The following NRXN1 variants were observed in gnomAD, a reference collection of about 807,000 sequenced individuals.
NRXN1 encodes neurexin-1.
A neutral mutation model predicts 150.9 loss-of-function variants in NRXN1; 39 were observed. The observed-to-expected ratio is 0.26, with a 90% CI of 0.20 to 0.34. NRXN1 has a LOEUF of 0.34. Among genes scored for constraint, NRXN1 ranks in the 10% least tolerant of loss-of-function variants. The pLI, the probability that NRXN1 is intolerant of heterozygous loss-of-function variation, is 1.00. For missense variants in NRXN1, 1,815 were observed against 1,949.9 expected (o/e 0.93, Z 1.30); for synonymous variants, 924 against 757.0 (o/e 1.22, Z -3.62).
chr2:50,742,148 G>C (rs1699503166), intron 5 of NRXN1, among the ~76,000 whole-genome samples: 1 of 151,952 alleles, frequency 6.6e-6, no homozygotes, highest in African/African-American at 2.4e-5. Context: ...AACAATTTAT[G>C]CTCAAGATAT....
At chr2:50,390,238 G>A (rs967281259) in intron 17 of NRXN1, among the ~76,000 whole-genome samples, 1 of 152,108 alleles carries the variant, frequency 6.6e-6, no homozygotes, top group Non-Finnish European at 1.5e-5. Context: ...ACAATGGGGT[G>A]TTACAGGAAA....
intron 5 of NRXN1, among the ~76,000 whole-genome samples, chr2:50,776,633 GATAT>G (rs146965004): frequency 2.8e-5 from 4 of 142,056 alleles, no homozygotes; most frequent in African/African-American, 1.0e-4. Context: ...CATATAGTGA[GATAT>G]ATATATATAT....
chr2:50,698,715 A>G (rs1559139523), intron 5 of NRXN1, among the ~76,000 whole-genome samples: 1 of 152,180 alleles, frequency 6.6e-6, no homozygotes, highest in Non-Finnish European at 1.5e-5. Flanking sequence ...AATCTCATCA[A>G]CTAGTCTCCA....
chr2:49,947,630 G>A (rs958724359), intron 21 of NRXN1, among the ~76,000 whole-genome samples: 1 of 149,804 alleles, frequency 6.7e-6, no homozygotes, highest in Non-Finnish European at 1.5e-5. Flanking sequence ...CCGAAGTGCT[G>A]GGATTACAGG....
At chr2:50,876,573 T>A (rs753613814) in intron 5 of NRXN1, among the ~76,000 whole-genome samples, 1 of 151,844 alleles carries the variant, frequency 6.6e-6, no homozygotes, top group Non-Finnish European at 1.5e-5. Context: ...TTATAATGCA[T>A]AATACAATAT....
chr2:50,144,345 G>A (rs1028674167), intron 18 of NRXN1, among the ~76,000 whole-genome samples: 1 of 151,550 alleles, frequency 6.6e-6, no homozygotes. Context: ...CTGAATTTTT[G>A]CACCTTTATT....
In NRXN1 at chr2:50,284,296, C is replaced by T. The variant is rs544194379; in HGVS notation, c.3365-47326G>A. ...TGTACCATCTACTTGGAATCTCTTA[C>T]TCATCCCTTCTCCTCCCTTTGCCTA... On this transcript the variant is annotated intron_variant, in intron 17 of 22. Transcript: ENST00000401669. Among the ~76,000 whole-genome samples, 4 of 152,328 alleles carry T rather than the reference C, an allele frequency of 2.6e-5. No individual in the cohort carries two copies. The East Asian group carries it at 5.8e-4, about 22-fold the overall frequency.
At chr2:50,944,357 G>A (rs1374077268) in intron 2 of NRXN1, among the ~76,000 whole-genome samples, 2 of 152,116 alleles carry the variant, frequency 1.3e-5, no homozygotes, top group African/African-American at 2.4e-5. Flanking sequence ...ATGTGACACT[G>A]GGAAGGTCTT....
At position 49,965,648 on chromosome 2, in the gene NRXN1, C is replaced by G. The variant is rs551519880; in HGVS notation, c.4129-21857G>C. 9.9e-5 allele frequency among the ~76,000 whole-genome samples: 15 copies of G among 152,166 alleles called. 1 individual carries two copies. Among genetic ancestry groups the G allele is most frequent in the African/African-American group, 3.6e-4 (15 of 41,514 alleles). On this transcript the variant is annotated intron_variant, in intron 21 of 22. Transcript: ENST00000401669. ...TTTTTGTGCCTACTATAGACTTTCACACTGATAGAAAAAAAAATGCTTACA... is the reference window on the plus strand; with the variant it reads ...TTTTTGTGCCTACTATAGACTTTCAGACTGATAGAAAAAAAAATGCTTACA...
At chr2:50,904,380 A>G (rs1315654132) in intron 5 of NRXN1, among the ~76,000 whole-genome samples, 2 of 152,176 alleles carry the variant, frequency 1.3e-5, no homozygotes, top group Admixed American at 1.3e-4. Flanking sequence ...GAAATCCCTA[A>G]GTATTAAATA....
intron 17 of NRXN1, among the ~76,000 whole-genome samples, chr2:50,249,293 T>C (rs1346496436): frequency 6.6e-6 from 1 of 152,122 alleles, no homozygotes; most frequent in African/African-American, 2.4e-5. Context: ...GAGAGATCAC[T>C]TTTAGATTTC....
At chr2:50,319,512 T>G (rs2075858701) in intron 17 of NRXN1, among the ~76,000 whole-genome samples, 1 of 152,128 alleles carries the variant, frequency 6.6e-6, no homozygotes, top group South Asian at 2.1e-4. Context: ...GAAGGTGCCC[T>G]CCTCTCTGTT....
At chr2:50,240,419 T>C (rs1158877528) in intron 17 of NRXN1, among the ~76,000 whole-genome samples, 2 of 151,714 alleles carry the variant, frequency 1.3e-5, no homozygotes, top group African/African-American at 4.8e-5. Flanking sequence ...CTATAAGCAC[T>C]CTGGATTTTT....
chr2:50,009,576 C>T (rs1323696436), intron 21 of NRXN1, among the ~76,000 whole-genome samples: 2 of 151,996 alleles, frequency 1.3e-5, no homozygotes, highest in Non-Finnish European at 2.9e-5. Flanking sequence ...GATTTTTATG[C>T]CTGCATGGAG....
chr2:50,580,991 C>T (rs1306747222), intron 8 of NRXN1, among the ~76,000 whole-genome samples: 1 of 152,036 alleles, frequency 6.6e-6, no homozygotes, highest in Non-Finnish European at 1.5e-5. Flanking sequence ...GTAACAATTC[C>T]TTTAAAAGTA....
At chr2:51,026,597 C>A in intron 2 of NRXN1, 1 of 661,216 alleles carries the variant, frequency 1.5e-6, no homozygotes. Flanking sequence ...AGCCGAATAT[C>A]CTTAGAAAAT....
intron 5 of NRXN1, among the ~76,000 whole-genome samples, chr2:50,781,890 T>C (rs183652567): frequency 5.3e-5 from 8 of 152,324 alleles, no homozygotes; most frequent in Non-Finnish European, 8.8e-5. Flanking sequence ...GGGATACTGA[T>C]GGCTATTAAC....
At chr2:50,502,800 T>C (rs1395051950) in intron 13 of NRXN1, among the ~76,000 whole-genome samples, 2 of 152,022 alleles carry the variant, frequency 1.3e-5, no homozygotes, top group South Asian at 4.2e-4. Context: ...TACATTTACA[T>C]GTATGTTTGG....
At position 50,556,734 on chromosome 2, in the gene NRXN1, G is replaced by A. The variant is rs544195055; in HGVS notation, c.1321-3709C>T. Among the ~76,000 whole-genome samples the A allele has an allele frequency of 7.9e-5, 12 of 152,158 alleles. 1 individual carries two copies. In the South Asian group the frequency reaches 2.3e-3, roughly 29 times the overall value. ...ATCTTAATGATAATCCTGAAAACAT[G>A]ACAGCAATGCAGAGAAAATAAATAA... On this transcript the variant is annotated intron_variant, in intron 8 of 22. Coordinates refer to ENST00000401669, the MANE Select transcript of NRXN1 (RefSeq NM_001330078.2).
Sources: allele counts gnomAD v4.1 joint callset (sites outside exome capture counted in the v4.1 genomes callset), GRCh38; gene constraint gnomAD v4.1.1; transcripts MANE v1.5; gene names NCBI Gene and HGNC (gene_info 2026-07-23, HGNC 2026-07-21).